WBP2NL: variants seen among roughly 807,000 people sequenced by gnomAD.
WBP2NL encodes postacrosomal sheath WW domain-binding protein.
In WBP2NL, 27 loss-of-function variants were observed where a neutral mutation model predicts 23.3. The ratio of observed to expected loss-of-function variants is 1.16; its 90% confidence interval spans 0.85 to 1.60. WBP2NL has a LOEUF of 1.60. WBP2NL is among the 40% of genes most tolerant of loss of function. The pLI is 0.00. For missense variants in WBP2NL, 370 were observed against 389.5 expected, an observed-to-expected ratio of 0.95 and a Z score of 0.42; for synonymous variants, 151 against 145.9, an observed-to-expected ratio of 1.03 and a Z score of -0.25.
At chr22:42,047,366 C>T (rs1034084247) in intron 8 of WBP2NL, among the ~76,000 whole-genome samples, 9 of 151,500 alleles carry the variant, frequency 5.9e-5, no homozygotes, top group Non-Finnish European at 7.4e-5. Context: ...GAACCATGGC[C>T]AGATGTGGTG....
Position 42,023,859 on chromosome 22 carries a change from G to A in WBP2NL, c.514+1503G>A, listed in dbSNP as rs926179471. Among the ~76,000 whole-genome samples, 5 of 151,906 alleles carry A rather than the reference G, an allele frequency of 3.3e-5. No homozygotes were observed. In the East Asian group the frequency reaches 9.7e-4, roughly 29 times the overall value. ...GGGTCTCACTGTGTTGCTTAGGCTG[G>A]TCTCACACTCCTGGGCTCAAGCAAG... On this transcript the variant is annotated intron_variant, in intron 5 of 5. Coordinates refer to ENST00000328823, the MANE Select transcript of WBP2NL (RefSeq NM_152613.3).
chr22:42,051,355 G>A (rs542222657), intron 8 of WBP2NL, among the ~76,000 whole-genome samples: 7 of 152,202 alleles, frequency 4.6e-5, no homozygotes, highest in African/African-American at 1.7e-4. Flanking sequence ...GGGAAGGGAG[G>A]GAGGGATGAA....
chr22:42,040,124 G>C (rs1208147945), intron 8 of WBP2NL, among the ~76,000 whole-genome samples: 1 of 151,774 alleles, frequency 6.6e-6, no homozygotes, highest in Non-Finnish European at 1.5e-5. Context: ...TGTTGGACAG[G>C]CTGGTTTCGA....
intron 8 of WBP2NL, among the ~76,000 whole-genome samples, chr22:42,047,778 C>T (rs545991267): frequency 2.6e-5 from 4 of 151,578 alleles, no homozygotes; most frequent in Non-Finnish European, 5.9e-5. Context: ...CATGCCACCA[C>T]ACCTGGCTAA....
intron 1 of WBP2NL, among the ~76,000 whole-genome samples, chr22:42,005,719 A>G (rs1431448715): frequency 1.3e-5 from 2 of 152,228 alleles, no homozygotes; most frequent in African/African-American, 4.8e-5. Flanking sequence ...ATGGGAGCCA[A>G]AAGTGTAGTG....
intron 1 of WBP2NL, among the ~76,000 whole-genome samples, chr22:42,011,553 G>A (rs1453699149): frequency 6.6e-6 from 1 of 151,960 alleles, no homozygotes; most frequent in African/African-American, 2.4e-5. Context: ...ACACCTAGCT[G>A]AGAGGTTTTT....
intron 8 of WBP2NL, among the ~76,000 whole-genome samples, chr22:42,042,578 A>T (rs1189168292): frequency 6.6e-6 from 1 of 152,024 alleles, no homozygotes; most frequent in South Asian, 2.1e-4. Context: ...TAAATTGTTT[A>T]TCTGTGTTCT....
At chr22:42,002,030 G>T (rs1183116785) in intron 1 of WBP2NL, 4 of 570,266 alleles carry the variant, frequency 7.0e-6, no homozygotes, top group Non-Finnish European at 2.8e-6. Flanking sequence ...TGACTCCGGG[G>T]CTGATTGTGA....
At chr22:42,013,746 G>A (rs1400660121) in intron 1 of WBP2NL, among the ~76,000 whole-genome samples, 1 of 151,590 alleles carries the variant, frequency 6.6e-6, no homozygotes, top group Non-Finnish European at 1.5e-5. Flanking sequence ...AGTAGCTGGG[G>A]CTACTGATGC....
intron 1 of WBP2NL, chr22:42,003,549 AAG>A (rs1921915538): frequency 6.6e-6 from 1 of 152,304 alleles, no homozygotes; most frequent in South Asian, 2.1e-4. Context: ...TTTTTAAAAA[AAG>A]AAAAATCCGA....
intron 8 of WBP2NL, among the ~76,000 whole-genome samples, chr22:42,043,788 G>A (rs560317738): frequency 9.9e-5 from 15 of 151,740 alleles, no homozygotes; most frequent in East Asian, 3.9e-4. Flanking sequence ...GTGCAGTGGC[G>A]CGATCTAAGC....
At chr22:42,012,502 G>A (rs1041184837) in intron 1 of WBP2NL, among the ~76,000 whole-genome samples, 3 of 151,916 alleles carry the variant, frequency 2.0e-5, no homozygotes, top group Non-Finnish European at 4.4e-5. Flanking sequence ...CCACATATTT[G>A]TGGCAGTTTT....
At chr22:42,025,959 A>G (rs1238898778) in intron 5 of WBP2NL, among the ~76,000 whole-genome samples, 1 of 152,186 alleles carries the variant, frequency 6.6e-6, no homozygotes, top group Non-Finnish European at 1.5e-5. Flanking sequence ...AATATTAAGT[A>G]AAAGAGCCAG....
intron 8 of WBP2NL, among the ~76,000 whole-genome samples, chr22:42,053,801 C>T (rs1925927064): frequency 6.6e-6 from 1 of 152,104 alleles, no homozygotes; most frequent in Non-Finnish European, 1.5e-5. Flanking sequence ...ATTTGTATAA[C>T]TCTTTGGAGA....
At chr22:42,049,414 GGCACGGTGGCTCATTCCTGTAATCCTA>G (rs1781267663) in intron 8 of WBP2NL, among the ~76,000 whole-genome samples, 1 of 152,112 alleles carries the variant, frequency 6.6e-6, no homozygotes, top group Non-Finnish European at 1.5e-5. Context: ...TAGGAGGCCG[GGCACGGTGGCTCATTCCTGTAATCCTA>G]GCACTTTGGG....
intron 8 of WBP2NL, among the ~76,000 whole-genome samples, chr22:42,047,298 G>A (rs1040400249): frequency 1.0e-4 from 15 of 146,682 alleles, no homozygotes; most frequent in African/African-American, 1.8e-4. Context: ...AAAGAAAATC[G>A]GAGCAGAGAG....
chr22:42,014,853 G>C (rs997067031), intron 1 of WBP2NL, among the ~76,000 whole-genome samples: 3 of 152,102 alleles, frequency 2.0e-5, no homozygotes, highest in Admixed American at 1.3e-4. Flanking sequence ...TACTTCCTGA[G>C]ACTTTGTTTG....
At chr22:42,051,110 G>A (rs1416288985) in intron 8 of WBP2NL, among the ~76,000 whole-genome samples, 1 of 152,182 alleles carries the variant, frequency 6.6e-6, no homozygotes, top group African/African-American at 2.4e-5. Context: ...ATAGTTGAAT[G>A]GATAAACAGT....
rs556290994 is a variant in WBP2NL at position 42,005,088 on chromosome 22, G to A, written c.62+6208G>A. Among the ~76,000 whole-genome samples the A allele has an allele frequency of 4.6e-5, 7 of 151,792 alleles. No homozygotes were observed. The East Asian group carries it at 5.8e-4, about 13-fold the overall frequency. On this transcript the variant is annotated intron_variant, in intron 1 of 5. Transcript: ENST00000328823. ...AAAAATTAGCCAGGCGTGGTGGTGC[G>A]TGCCTGTAATCCCGGCTACTCAGGA...
Sources: allele counts gnomAD v4.1 joint callset (sites outside exome capture counted in the v4.1 genomes callset), GRCh38; gene constraint gnomAD v4.1.1; transcripts MANE v1.5; gene names NCBI Gene and HGNC (gene_info 2026-07-23, HGNC 2026-07-21).